Variants in HEATR5B observed in about 807,000 individuals in gnomAD.
The protein encoded by HEATR5B is HEAT repeat containing 5B, also known as HEAT repeat-containing protein 5B.
Under a neutral mutation model 224.1 loss-of-function variants are expected in HEATR5B, and 156 were observed. The observed-to-expected ratio is 0.70, with a 90% CI of 0.61 to 0.80. The LOEUF (loss-of-function observed/expected upper bound fraction) is 0.80. HEATR5B is among the 30% of genes least tolerant of loss of function. The pLI, the probability that HEATR5B is intolerant of heterozygous loss-of-function variation, is 0.00. For missense variants in HEATR5B, 2,323 were observed against 2,535.5 expected, an observed-to-expected ratio of 0.92 and a Z score of 1.80; for synonymous variants, 1,027 against 893.0, an observed-to-expected ratio of 1.15 and a Z score of -2.68.
chr2:37,025,162 T>TA (rs1668691293), intron 24 of HEATR5B, among the ~76,000 whole-genome samples: 2 of 152,108 alleles, frequency 1.3e-5, no homozygotes, highest in African/African-American at 4.8e-5. Flanking sequence ...CAGGCGGTGA[T>TA]GTTAGAAAGC....
intron 19 of HEATR5B, among the ~76,000 whole-genome samples, chr2:37,040,812 GA>G (rs1669825441): frequency 6.6e-6 from 1 of 151,564 alleles, no homozygotes; most frequent in Non-Finnish European, 1.5e-5. Context: ...GGAAGAGAGA[GA>G]AGGATGGTTA....
intron 22 of HEATR5B, among the ~76,000 whole-genome samples, chr2:37,031,291 C>G (rs1408007770): frequency 6.6e-6 from 1 of 152,044 alleles, no homozygotes; most frequent in Non-Finnish European, 1.5e-5. Flanking sequence ...ATCTTGGGGA[C>G]TCCAAACATA....
At chr2:37,008,579 C>A in intron 28 of HEATR5B, 32 bp downstream of exon 28, 1 of 1,470,664 alleles carries the variant, frequency 6.8e-7, no homozygotes, top group South Asian at 1.1e-5. Context: ...CTTTGAACTC[C>A]ATAAAAGTAA....
intron 18 of HEATR5B, among the ~76,000 whole-genome samples, chr2:37,043,268 C>T (rs897405391): frequency 6.6e-6 from 1 of 152,136 alleles, no homozygotes; most frequent in African/African-American, 2.4e-5. Context: ...GAACCTGACA[C>T]AAAGCACAAT....
chr2:37,000,197 C>T (rs911545932), intron 33 of HEATR5B, among the ~76,000 whole-genome samples: 1 of 151,882 alleles, frequency 6.6e-6, no homozygotes, highest in African/African-American at 2.4e-5. Context: ...CCTGCCTCAG[C>T]CTCCCAAGTA....
intron 33 of HEATR5B, among the ~76,000 whole-genome samples, chr2:36,996,393 T>C (rs1208591773): frequency 6.6e-6 from 1 of 151,712 alleles, no homozygotes; most frequent in Non-Finnish European, 1.5e-5. Context: ...TGGCCATTTC[T>C]ATTTTCTTTG....
chr2:37,038,328 T>A (rs1202243922), intron 20 of HEATR5B, among the ~76,000 whole-genome samples: 2 of 152,026 alleles, frequency 1.3e-5, no homozygotes, highest in Non-Finnish European at 2.9e-5. Context: ...TTAGTAGAGA[T>A]GAGTTTTCAC....
chr2:37,029,199 G>C (rs778388748), intron 22 of HEATR5B, among the ~76,000 whole-genome samples: 1 of 152,204 alleles, frequency 6.6e-6, no homozygotes, highest in Non-Finnish European at 1.5e-5. Context: ...ATAAGAAAAA[G>C]TGTGGGACAG....
chr2:36,984,225 T>TATATA (rs1553411523), intron 35 of HEATR5B, among the ~76,000 whole-genome samples: 4 of 75,322 alleles, frequency 5.3e-5, no homozygotes, highest in African/African-American at 1.8e-4. Flanking sequence ...AATATATATA[T>TATATA]ATATATATAT....
chr2:37,005,813 G>C, intron 29 of HEATR5B, 54 bp from the exon 30 acceptor site: 1 of 1,356,716 alleles, frequency 7.4e-7, no homozygotes, highest in Non-Finnish European at 1.0e-6. Context: ...ACTTTATGTT[G>C]TTTGATCCCA....
chr2:37,041,268 T>C lies in HEATR5B; in HGVS notation c.2721A>G (p.Val907=). 1 of 1,614,078 alleles carries C rather than the reference T, an allele frequency of 6.2e-7. No individual in the cohort carries two copies. Among genetic ancestry groups the C allele is most frequent in the South Asian group, 1.1e-5 (1 of 91,078 alleles). ...GAGCCAATGAATGACCAGTCCTAGATACAACATCTCGAGCCGATTTCAACC... is the reference window on the plus strand; with the variant it reads ...GAGCCAATGAATGACCAGTCCTAGACACAACATCTCGAGCCGATTTCAACC... The part of the protein sequence containing the change: ...FDKLKSARDV[V]SRTGHSLALG... The change falls in exon 19 of 36, where the codon GTA becomes GTG. Residue 907 remains valine, a synonymous_variant. Transcript: ENST00000233099.
chr2:37,008,329 T>G (rs1667561950), intron 28 of HEATR5B: 1 of 465,882 alleles, frequency 2.1e-6, no homozygotes, highest in African/African-American at 1.9e-5. Context: ...TGGTTATGCA[T>G]AATGACTTGT....
In HEATR5B at chr2:37,002,541, G is replaced by A. The variant is rs747018556; in HGVS notation, c.5082C>T (p.Thr1694=). The A allele has an allele frequency of 3.7e-6, 6 of 1,613,882 alleles. No individual in the cohort carries two copies. The highest frequency in any genetic ancestry group is 2.2e-5 in the East Asian group (1 of 44,884). ...NEDDMEKEAC[T]VLGEGGDSGG... ...CGCTGTCACCTCCTTCTCCCAATAC[G>A]GTACAGGCCTCTTTTTCCATATCAT... The change falls in exon 32 of 36, where the codon ACC becomes ACT. Residue 1694 remains threonine (T), a synonymous_variant. Transcript: ENST00000233099.
Position 37,049,854 on chromosome 2 carries a change from A to G in HEATR5B, c.2506-11T>C. The G allele has an allele frequency of 1.7e-6, 2 of 1,180,694 alleles. No individual in the cohort carries two copies. Among genetic ancestry groups the G allele is most frequent in the South Asian group, 1.7e-5 (1 of 60,168 alleles). 73.1% of individuals were successfully genotyped at this position (1,180,694 alleles called of 1,614,324 possible). A position where few individuals can be genotyped will look rare whatever the true frequency, so the allele number is the denominator to read the frequency against. ...GTTTTCAGCTAAGCCCTACATTAAA[A>G]AAAAAAAAAAAAAAAAGACAGCAAT... On this transcript the variant is annotated splice_polypyrimidine_tract_variant and intron_variant, in intron 17 of 35. Coordinates refer to ENST00000233099, the MANE Select transcript of HEATR5B (RefSeq NM_019024.3).
At chr2:37,029,202 T>C (rs1010150868) in intron 22 of HEATR5B, among the ~76,000 whole-genome samples, 1 of 152,218 alleles carries the variant, frequency 6.6e-6, no homozygotes, top group Non-Finnish European at 1.5e-5. Flanking sequence ...AGAAAAAGTG[T>C]GGGACAGAGA....
chr2:36,989,720 C>T (rs1001307264), intron 34 of HEATR5B, among the ~76,000 whole-genome samples: 1 of 151,978 alleles, frequency 6.6e-6, no homozygotes, highest in Non-Finnish European at 1.5e-5. Context: ...GGAGGGAAGT[C>T]CCACCAATAT....
chr2:36,988,738 C>A lies in HEATR5B; in HGVS notation c.5819G>T (p.Arg1940Ile). The A allele has an allele frequency of 1.9e-6, 3 of 1,612,472 alleles. No homozygotes were observed. The highest frequency in any genetic ancestry group is 2.5e-6 in the Non-Finnish European group (3 of 1,179,532). Residue 1940 changes from arginine to isoleucine, a missense_variant, in exon 35 of 36, where the codon AGA (arginine) becomes ATA (isoleucine). This residue lies in a region of HEATR5B where 844 missense variants were observed against 812.9 expected (regional missense o/e 1.04). Coordinates refer to ENST00000233099, the MANE Select transcript of HEATR5B (RefSeq NM_019024.3). ...CTCTATGTTACTGGCTGGTCTGTTTCTTTCAACAGCTTTTAGCTTTTCAAC... is the reference window on the plus strand; with the variant it reads ...CTCTATGTTACTGGCTGGTCTGTTTATTTCAACAGCTTTTAGCTTTTCAAC... ...IVVEKLKAVE[R>I]NRPASNIELL... is the part of the protein sequence containing the mutation.
intron 7 of HEATR5B, 82 bp from the exon 8 acceptor site, chr2:37,069,012 T>A: frequency 7.4e-7 from 1 of 1,353,000 alleles, no homozygotes; most frequent in Non-Finnish European, 1.0e-6. Context: ...CTAAAATAAC[T>A]GATAACAGCA....
chr2:36,991,810 T>C (rs1213063393), intron 33 of HEATR5B, among the ~76,000 whole-genome samples: 2 of 152,214 alleles, frequency 1.3e-5, no homozygotes, highest in East Asian at 1.9e-4. Flanking sequence ...ATTACAAACA[T>C]ATATATGTGA....
Sources: allele counts gnomAD v4.1 joint callset (sites outside exome capture counted in the v4.1 genomes callset), GRCh38; gene constraint gnomAD v4.1.1; regional missense constraint gnomAD v4.1.1; transcripts MANE v1.5; gene names NCBI Gene and HGNC (gene_info 2026-07-23, HGNC 2026-07-21).